LMNA: variants seen among roughly 807,000 people sequenced by gnomAD.
LMNA encodes the protein lamin.
A neutral mutation model predicts 70.4 loss-of-function variants in LMNA; 20 were observed. That is an observed-to-expected ratio of 0.28 (90% CI 0.20 to 0.41). LMNA has a LOEUF of 0.41. Ranked by LOEUF, LMNA falls within the 10% of genes least tolerant of loss-of-function variation. The pLI is 1.00. For synonymous variants in LMNA, 339 were observed against 372.8 expected (o/e 0.91, Z 1.04); for missense variants, 652 against 917.2 (o/e 0.71, Z 3.73).
chr1:156,112,640 G>A (rs1024115273), upstream of LMNA, among the ~76,000 whole-genome samples: 1 of 152,180 alleles, frequency 6.6e-6, no homozygotes, highest in African/African-American at 2.4e-5. Context: ...CGCCCTGGGG[G>A]AGAGAAGCCA....
upstream of LMNA, among the ~76,000 whole-genome samples, chr1:156,111,665 T>C (rs148364891): frequency 4.7e-4 from 72 of 152,318 alleles, no homozygotes; most frequent in Non-Finnish European, 5.4e-4. Context: ...GCAAGCATAG[T>C]ATTGCTATCA....
intron 2 of LMNA, among the ~76,000 whole-genome samples, 193 bp downstream of exon 2, chr1:156,130,966 C>T (rs1231507642): frequency 1.3e-5 from 2 of 152,190 alleles, no homozygotes; most frequent in Non-Finnish European, 2.9e-5. Flanking sequence ...GGATCTACCA[C>T]AGTGAATTTA....
At chr1:156,129,797 A>G in intron 1 of LMNA, 1 of 742,944 alleles carries the variant, frequency 1.3e-6, no homozygotes, top group Non-Finnish European at 2.5e-6. Context: ...GACTGGTTAT[A>G]GCTAAAGCTT....
chr1:156,110,846 G>A (rs1372740791), upstream of LMNA, among the ~76,000 whole-genome samples: 1 of 151,794 alleles, frequency 6.6e-6, no homozygotes, highest in East Asian at 1.9e-4. Context: ...TGTGGTGGTG[G>A]GTGCCTATAA....
At chr1:156,089,259 G>A (rs796666746) in intron 2 of LMNA, among the ~76,000 whole-genome samples, 35 of 152,160 alleles carry the variant, frequency 2.3e-4, no homozygotes, top group African/African-American at 7.5e-4. Flanking sequence ...TTGCAGGCAT[G>A]TACCACCATA....
At position 156,121,046 on chromosome 1, in the gene LMNA, CTTTTTTTTTTTT is replaced by C. The variant is rs57371677; in HGVS notation, c.356+5786_356+5797del. On this transcript the variant is annotated intron_variant, in intron 1 of 11. Coordinates refer to ENST00000368300, the MANE Select transcript of LMNA (RefSeq NM_170707.4). ...CCAACCCTCCACCACCAAATCCATT[CTTTTTTTTTTTT>C]TTTTTTTTTTTTTGACAGTCTCGCT... Among the ~76,000 whole-genome samples the C allele has an allele frequency of 2.9e-3, 293 of 100,412 alleles. 2 individuals carry two copies. The highest frequency in any genetic ancestry group is 0.012 in the African/African-American group (279 of 23,008). 65.9% of individuals were successfully genotyped at this position (100,412 alleles called of 152,430 possible).
intron 2 of LMNA, among the ~76,000 whole-genome samples, chr1:156,085,009 A>G (rs1648425789): frequency 6.6e-6 from 1 of 152,200 alleles, no homozygotes; most frequent in African/African-American, 2.4e-5. Context: ...CAGGGTCCCT[A>G]CTGGACCCAC....
In LMNA at chr1:156,138,437, G is replaced by A. The variant is rs778341050; in HGVS notation, c.1699-51G>A. The stretch of plus-strand genomic sequence containing the variant: ...GAGCCTGGAGCCTGGTTGGGCCTGA[G>A]TGGTCAGTCCCAGACTCGCCGTCCC... On this transcript the variant is annotated intron_variant, in intron 10 of 11. Coordinates refer to ENST00000368300, the MANE Select transcript of LMNA (RefSeq NM_170707.4). This position sits in a 1 kb window ranked among gnomAD's most constrained non-coding sequence, Gnocchi z 5.5. 1.9e-6 allele frequency: 3 copies of A among 1,585,552 alleles called. No individual in the cohort carries two copies. The highest frequency in any genetic ancestry group is 2.3e-5 in the South Asian group (2 of 88,010).
At chr1:156,120,703 C>T (rs1389005874) in intron 1 of LMNA, among the ~76,000 whole-genome samples, 1 of 152,052 alleles carries the variant, frequency 6.6e-6, no homozygotes, top group African/African-American at 2.4e-5. Flanking sequence ...AGAGAAAGAC[C>T]CTGTCTCTGA....
chr1:156,097,170 A>G (rs1648969183), intron 3 of LMNA, among the ~76,000 whole-genome samples: 1 of 152,152 alleles, frequency 6.6e-6, no homozygotes, highest in Non-Finnish European at 1.5e-5. Context: ...GGTGAAATCA[A>G]TCAGTGAGAG....
chr1:156,125,643 C>T (rs1030809008), intron 1 of LMNA, among the ~76,000 whole-genome samples: 2 of 150,966 alleles, frequency 1.3e-5, no homozygotes, highest in African/African-American at 4.9e-5. Context: ...GAGCCGAGAT[C>T]GCGCCACTCT....
At chr1:156,121,046 CTTTTTTTTTTTTTT>C (rs57371677) in intron 1 of LMNA, among the ~76,000 whole-genome samples, 3 of 100,412 alleles carry the variant, frequency 3.0e-5, no homozygotes, top group African/African-American at 4.4e-5. Flanking sequence ...CAAATCCATT[CTTTTTTTTTTTTTT>C]TTTTTTTTTT....
chr1:156,082,825 G>C (rs946229549), intron 1 of LMNA: 1 of 152,082 alleles, frequency 6.6e-6, no homozygotes, highest in Non-Finnish European at 1.5e-5. Context: ...GAGGAGGGGG[G>C]GCCGGGGCCG....
At chr1:156,086,426 T>TCTCTCTCTCTCTC (rs1375166588) in intron 2 of LMNA, among the ~76,000 whole-genome samples, 4 of 95,814 alleles carry the variant, frequency 4.2e-5, no homozygotes, top group African/African-American at 1.8e-4. Flanking sequence ...CTCTCTCTCT[T>TCTCTCTCTCTCTC]TTGTCTTTCT....
In LMNA at chr1:156,087,367, T is replaced by C. The variant is rs563373463; in HGVS notation, c.-318-3104T>C. On this transcript the variant is annotated intron_variant, in intron 2 of 12. Coordinates refer to the LMNA transcript ENST00000368301. The stretch of plus-strand genomic sequence containing the variant: ...CAAGCAGTTCTCTGCCTCAGCCTCC[T>C]GAGTAGCTGGGATTACAGATGCCTG... Among the ~76,000 whole-genome samples, 141 of 151,426 alleles carry C rather than the reference T, an allele frequency of 9.3e-4. 1 individual carries two copies. The highest frequency in any genetic ancestry group is 8.9e-4 in the Non-Finnish European group (60 of 67,766).
rs765260452 is a variant in LMNA at position 156,137,901 on chromosome 1, A to G, written c.1698+158A>G. 5.5e-6 allele frequency: 8 copies of G among 1,448,430 alleles called. No individual in the cohort carries two copies. The Admixed American group carries it at 8.4e-5, about 15-fold the overall frequency. The allele number at this position is 1,448,430 out of a possible 1,614,324, so 89.7% of individuals were successfully genotyped here. Reference sequence around the variant, plus strand: ...CTGGCCTTTCTTCTCTCTCCTCCCTATACCTTGAACAGGGAACCCAGGTGT... The same window carrying G: ...CTGGCCTTTCTTCTCTCTCCTCCCTGTACCTTGAACAGGGAACCCAGGTGT... On this transcript the variant is annotated intron_variant, in intron 10 of 11. Coordinates refer to ENST00000368300, the MANE Select transcript of LMNA (RefSeq NM_170707.4). This position sits in a 1 kb window ranked among gnomAD's most constrained non-coding sequence, Gnocchi z 4.6.
chr1:156,136,942 C>G lies in LMNA; in HGVS notation c.1402C>G (p.Gln468Glu). 6.2e-7 allele frequency: 1 copy of G among 1,613,958 alleles called. No individual in the cohort carries two copies. Among genetic ancestry groups the G allele is most frequent in the South Asian group, 1.1e-5 (1 of 91,036 alleles). Residue 468 changes from glutamine to glutamate, a missense_variant, in exon 8 of 12, where the codon CAG becomes GAG. Gln to Glu is a conservative substitution (Grantham distance 29). Transcript: ENST00000368300. The surrounding 1 kb of genome is among the most constrained non-coding windows in gnomAD (Gnocchi z 6.1). ...SNEDQSMGNWQIKRQNGDDPL... is the reference protein window; with the variant it reads ...SNEDQSMGNWEIKRQNGDDPL... ...GCAGGACCAGTCCATGGGCAATTGG[C>G]AGATCAAGCGCCAGAATGGAGATGA...
chr1:156,137,082 G>C lies in LMNA; in HGVS notation c.1489-31G>C. ...GGAGGCCTTGGGTGGCGATGGGAGC[G>C]CTGGGGTAAGTGTCCTTTTCTCCTC... On this transcript the variant is annotated intron_variant, in intron 8 of 11. Coordinates refer to ENST00000368300, the MANE Select transcript of LMNA (RefSeq NM_170707.4). The surrounding 1 kb of genome is among the most constrained non-coding windows in gnomAD (Gnocchi z 4.6). The C allele has an allele frequency of 6.2e-7, 1 of 1,614,082 alleles. No homozygotes were observed. Among genetic ancestry groups the C allele is most frequent in the Non-Finnish European group, 8.5e-7 (1 of 1,179,966 alleles).
rs141565322 is a variant in LMNA, at chr1:156,096,216, C to T, written c.-207+5634C>T. 1.1e-3 allele frequency among the ~76,000 whole-genome samples: 175 copies of T among 152,344 alleles called. 1 individual carries two copies. The highest frequency in any genetic ancestry group is 3.9e-3 in the African/African-American group (164 of 41,572). Reference sequence around the variant, plus strand: ...CTACACAGCCAGGGGCTCCCCCTTCCGTTTCCTCTGCCTGGAACACACTTG... The same window carrying T: ...CTACACAGCCAGGGGCTCCCCCTTCTGTTTCCTCTGCCTGGAACACACTTG... On this transcript the variant is annotated intron_variant, in intron 3 of 12. Transcript: ENST00000368301.
Sources: allele counts gnomAD v4.1 joint callset (sites outside exome capture counted in the v4.1 genomes callset), GRCh38; gene constraint gnomAD v4.1.1; non-coding constraint Gnocchi (gnomAD v3.1); transcripts MANE v1.5; gene names NCBI Gene and HGNC (gene_info 2026-07-23, HGNC 2026-07-21).